Variants in ABCA5 observed in about 807,000 individuals in gnomAD.
The protein encoded by ABCA5 is ATP binding cassette subfamily A member 5, also known as cholesterol transporter ABCA5.
A neutral mutation model predicts 206.0 loss-of-function variants in ABCA5; 163 were observed. That is an observed-to-expected ratio of 0.79 (90% CI 0.70 to 0.90). The LOEUF (loss-of-function observed/expected upper bound fraction) is 0.90. ABCA5 is among the 40% of genes least tolerant of loss of function. The pLI is 0.00. For missense variants in ABCA5, 1,859 were observed against 1,912.9 expected (o/e 0.97, Z 0.53); for synonymous variants, 609 against 613.8 (o/e 0.99, Z 0.11).
At chr17:69,274,522 C>G (rs1333335194) in intron 19 of ABCA5, among the ~76,000 whole-genome samples, 1 of 151,210 alleles carries the variant, frequency 6.6e-6, no homozygotes, top group Non-Finnish European at 1.5e-5. Context: ...CCTTGACCAG[C>G]CTACATTGGT....
intron 19 of ABCA5, 90 bp downstream of exon 19, chr17:69,277,549 CAT>C (rs2075347698): frequency 2.1e-6 from 2 of 969,462 alleles, no homozygotes; most frequent in South Asian, 1.8e-5. Flanking sequence ...AAATTATTTA[CAT>C]ATGTTAACAT....
At chr17:69,284,481 C>T (rs2075429697) in intron 17 of ABCA5, among the ~76,000 whole-genome samples, 1 of 151,916 alleles carries the variant, frequency 6.6e-6, no homozygotes, top group Non-Finnish European at 1.5e-5. Context: ...GAAATTAAAA[C>T]TGAGAATGTT....
chr17:69,255,349 T>C (rs185224115), intron 31 of ABCA5, among the ~76,000 whole-genome samples, 194 bp downstream of exon 31: 179 of 152,326 alleles, frequency 1.2e-3, no homozygotes, highest in Non-Finnish European at 2.0e-3. Flanking sequence ...TGTGTCTACA[T>C]GTGTCTATGA....
intron 14 of ABCA5, among the ~76,000 whole-genome samples, chr17:69,288,872 C>A (rs1378942648): frequency 6.6e-6 from 1 of 151,910 alleles, no homozygotes; most frequent in Non-Finnish European, 1.5e-5. Flanking sequence ...ATAAAAAAAA[C>A]TACATATTGA....
chr17:69,273,540 C>T (rs1462501224), intron 20 of ABCA5, among the ~76,000 whole-genome samples: 4 of 151,552 alleles, frequency 2.6e-5, no homozygotes, highest in African/African-American at 7.3e-5. Context: ...ACTGCAACCT[C>T]CGCCTCCCGG....
At position 69,247,460 on chromosome 17, in the gene ABCA5, T is replaced by TA. The variant is rs2074963527; in HGVS notation, c.*76dup. 2 of 996,574 alleles carry TA rather than the reference T, an allele frequency of 2.0e-6. No individual in the cohort carries two copies. The highest frequency in any genetic ancestry group is 5.3e-5 in the East Asian group (2 of 37,986). 61.7% of individuals were successfully genotyped at this position (996,574 alleles called of 1,614,324 possible). On this transcript the variant is annotated 3_prime_UTR_variant, in exon 39 of 39. Coordinates refer to ENST00000392676, the MANE Select transcript of ABCA5 (RefSeq NM_172232.4). ...CTTGGTTCTCCAGTTACCATTCCAA[T>TA]AAAAAACTTTTTAAACCAAAGTTAA... is the stretch of plus-strand genomic sequence containing the variant.
intron 19 of ABCA5, among the ~76,000 whole-genome samples, chr17:69,275,204 A>G (rs2075318093): frequency 6.6e-6 from 1 of 152,192 alleles, no homozygotes; most frequent in African/African-American, 2.4e-5. Context: ...ATAAAAATAC[A>G]ATTAAACTCT....
In ABCA5 at chr17:69,278,193, C is replaced by T. The variant is rs9898282; in HGVS notation, c.2393-351G>A. On this transcript the variant is annotated intron_variant, in intron 18 of 38. Transcript: ENST00000392676. ...TACCCATAACAACATGGCTGAACTT[C>T]ACAAATGTCATTTTGAGTGAAAGAG... Among the ~76,000 whole-genome samples the T allele has an allele frequency of 2.2e-3, 336 of 151,972 alleles. 3 individuals are homozygous for T. Among genetic ancestry groups the T allele is most frequent in the African/African-American group, 7.9e-3 (325 of 41,352 alleles).
chr17:69,294,348 C>T (rs895880166), intron 11 of ABCA5, among the ~76,000 whole-genome samples: 3 of 151,884 alleles, frequency 2.0e-5, no homozygotes, highest in African/African-American at 7.3e-5. Context: ...CTTGGTGAAA[C>T]CCCGTCTCCA....
chr17:69,309,177 G>T, intron 4 of ABCA5, 85 bp downstream of exon 4: 1 of 1,087,144 alleles, frequency 9.2e-7, no homozygotes, highest in South Asian at 2.3e-5. Context: ...TGCCAATATT[G>T]AACTATATAA....
At position 69,245,894 on chromosome 17, in the gene ABCA5, A is replaced by G. The variant is rs557419991; in HGVS notation, c.*1643T>C. 4.6e-5 allele frequency: 7 copies of G among 152,018 alleles called. No homozygotes were observed. Among genetic ancestry groups the G allele is most frequent in the Non-Finnish European group, 1.0e-4 (7 of 67,870 alleles). 9.4% of individuals were successfully genotyped at this position (152,018 alleles called of 1,614,324 possible). A position where few individuals can be genotyped will look rare whatever the true frequency, so the allele number is the denominator to read the frequency against. On this transcript the variant is annotated 3_prime_UTR_variant, in exon 39 of 39. Transcript: ENST00000392676. ...TTAGGATGGTCAGGTTCTAAAAAAA[A>G]CTATGCTTTTTCGTGACTGCCTTAG...
intron 12 of ABCA5, 30 bp downstream of exon 12, chr17:69,291,186 G>GTT (rs34164530): frequency 7.2e-3 from 9,729 of 1,347,276 alleles, no homozygotes; most frequent in South Asian, 0.012. Context: ...ATATAATGAA[G>GTT]TTTTTTTTTC....
chr17:69,291,080 CCACATGTGTATAAT>C (rs2075520868), intron 12 of ABCA5, 122 bp downstream of exon 12: 8 of 470,692 alleles, frequency 1.7e-5, no homozygotes, highest in Non-Finnish European at 2.9e-5. Flanking sequence ...CTAAAAACAA[CCACATGTGTATAAT>C]CAAGAAAAAA....
At position 69,248,292 on chromosome 17, in the gene ABCA5, T is replaced by A. The variant is rs780693507; in HGVS notation, c.4791A>T (p.Glu1597Asp). ...EEAKHAFAIEEYSFSQATLEQ... is the reference protein window; with the variant it reads ...EEAKHAFAIEDYSFSQATLEQ... ...CCAATGTTGCTTGAGAAAAGCTATA[T>A]TCTTCAATGGCAAAAGCATGTTTAG... is the stretch of plus-strand genomic sequence containing the variant. The change falls in exon 38 of 39, where the codon GAA (glutamate) becomes GAT (aspartate). Residue 1597 changes from glutamate (E) to aspartate (D), a missense_variant. Physicochemically the swap from Glu to Asp is conservative, Grantham distance 45. Coordinates refer to ENST00000392676, the MANE Select transcript of ABCA5 (RefSeq NM_172232.4). 1.3e-6 allele frequency: 2 copies of A among 1,566,504 alleles called. No homozygotes were observed. The highest frequency in any genetic ancestry group is 1.4e-5 in the African/African-American group (1 of 73,238).
At chr17:69,260,086 G>A (rs901595247) in intron 27 of ABCA5, among the ~76,000 whole-genome samples, 2 of 151,628 alleles carry the variant, frequency 1.3e-5, no homozygotes, top group African/African-American at 4.8e-5. Context: ...CTTTGTTTTT[G>A]CTTCTAAGAC....
At chr17:69,307,010 A>C in intron 5 of ABCA5, 56 bp from the exon 6 acceptor site, 1 of 1,278,246 alleles carries the variant, frequency 7.8e-7, no homozygotes. Flanking sequence ...AGCAGCCCCT[A>C]GTAAAACGGG....
At position 69,282,980 on chromosome 17, in the gene ABCA5, CTTTTTTTTTT is replaced by C. The variant is rs1048269473; in HGVS notation, c.2392+963_2392+972del. Among the ~76,000 whole-genome samples, 604 of 112,992 alleles carry C rather than the reference CTTTTTTTTTT, an allele frequency of 5.3e-3. 6 individuals carry two copies. The highest frequency in any genetic ancestry group is 0.019 in the African/African-American group (568 of 30,480). 74.1% of individuals were successfully genotyped at this position (112,992 alleles called of 152,430 possible). ...TATAACCCAAATATCTGTTCTTTCC[CTTTTTTTTTT>C]TTTTTTTTTTTTTTTAAACAGGGTC... On this transcript the variant is annotated intron_variant, in intron 18 of 38. Transcript: ENST00000392676.
At position 69,302,833 on chromosome 17, in the gene ABCA5, G is replaced by A; in HGVS notation, c.1004C>T (p.Thr335Ile). The A allele has an allele frequency of 6.3e-7, 1 of 1,594,626 alleles. No homozygotes were observed. Among genetic ancestry groups the A allele is most frequent in the Admixed American group, 1.9e-5 (1 of 54,032 alleles). ...AAGGCCAATAAATCCAAAAGCCACA[G>A]TAACAAAAAATTCAACTATTCCCAC... ...KHVGIVEFFV[T>I]VAFGFIGLMI... Residue 335 changes from threonine (T) to isoleucine (I), a missense_variant, in exon 8 of 39, where the codon ACT (threonine) becomes ATT (isoleucine). By Grantham distance (89) the Thr-to-Ile change is moderately conservative. Coordinates refer to ENST00000392676, the MANE Select transcript of ABCA5 (RefSeq NM_172232.4).
intron 8 of ABCA5, among the ~76,000 whole-genome samples, chr17:69,301,915 C>T (rs1212058548): frequency 6.6e-6 from 1 of 152,114 alleles, no homozygotes; most frequent in Non-Finnish European, 1.5e-5. Flanking sequence ...GAAAGGCCAT[C>T]CCACTCACAA....
Sources: gnomAD v4.1 joint callset for allele counts (sites outside exome capture counted in the v4.1 genomes callset) on GRCh38, gnomAD v4.1.1 for gene constraint, MANE v1.5 for transcripts, NCBI Gene and HGNC (gene_info 2026-07-23, HGNC 2026-07-21) for gene names.